The following KCNH7 variants were observed in gnomAD, a reference collection of about 807,000 sequenced individuals.
KCNH7 encodes voltage-gated inwardly rectifying potassium channel KCNH7.
A neutral mutation model predicts 120.8 loss-of-function variants in KCNH7; 49 were observed. That is an observed-to-expected ratio of 0.41 (90% CI 0.32 to 0.51). KCNH7 has a LOEUF of 0.51. KCNH7 is among the 20% of genes least tolerant of loss of function. The pLI is 0.38. For missense variants in KCNH7, 1,097 were observed against 1,446.6 expected, an observed-to-expected ratio of 0.76 and a Z score of 3.92; for synonymous variants, 547 against 516.1, an observed-to-expected ratio of 1.06 and a Z score of -0.81.
chr2:162,425,534 G>A (rs941226942), intron 8 of KCNH7, among the ~76,000 whole-genome samples: 1 of 152,116 alleles, frequency 6.6e-6, no homozygotes, highest in Non-Finnish European at 1.5e-5. Flanking sequence ...GTGATCCAAG[G>A]AGATTCATGT....
At chr2:162,831,972 G>A (rs1463055524) in intron 2 of KCNH7, among the ~76,000 whole-genome samples, 4 of 152,174 alleles carry the variant, frequency 2.6e-5, no homozygotes, top group African/African-American at 9.6e-5. Flanking sequence ...CAAATTGTGG[G>A]GAAGAGCATT....
chr2:162,424,038 G>A (rs1365774940), intron 8 of KCNH7, among the ~76,000 whole-genome samples: 1 of 152,096 alleles, frequency 6.6e-6, no homozygotes, highest in African/African-American at 2.4e-5. Context: ...TTAAATTTGA[G>A]ATTATTTTGA....
chr2:162,376,550 G>A (rs1686195520), intron 14 of KCNH7, among the ~76,000 whole-genome samples: 1 of 151,970 alleles, frequency 6.6e-6, no homozygotes, highest in South Asian at 2.1e-4. Flanking sequence ...TTTCAGTAGA[G>A]ATGGGGGTTC....
chr2:162,411,370 T>C (rs1687388051), intron 9 of KCNH7, among the ~76,000 whole-genome samples: 1 of 152,034 alleles, frequency 6.6e-6, no homozygotes, highest in African/African-American at 2.4e-5. Context: ...GGAAACCAAA[T>C]ACTACATGTT....
intron 2 of KCNH7, among the ~76,000 whole-genome samples, chr2:162,756,628 T>C (rs967154633): frequency 2.4e-4 from 36 of 151,980 alleles, no homozygotes; most frequent in African/African-American, 7.7e-4. Context: ...CCATGCCTGG[T>C]TAATTTTTGT....
chr2:162,584,901 CTT>C (rs5835912), intron 2 of KCNH7, among the ~76,000 whole-genome samples: 60 of 126,432 alleles, frequency 4.7e-4, no homozygotes, highest in African/African-American at 6.7e-4. Flanking sequence ...CAATCCCCAG[CTT>C]TTTTTTTTTT....
intron 2 of KCNH7, among the ~76,000 whole-genome samples, chr2:162,686,661 T>C (rs1685903612): frequency 6.6e-6 from 1 of 152,198 alleles, no homozygotes; most frequent in South Asian, 2.1e-4. Flanking sequence ...TGTGGATCTC[T>C]ACTTGTCTCC....
chr2:162,389,922 GA>G (rs1441189721), intron 12 of KCNH7, among the ~76,000 whole-genome samples: 1 of 151,964 alleles, frequency 6.6e-6, no homozygotes, highest in African/African-American at 2.4e-5. Context: ...AACCAATGAA[GA>G]ATTTTCTCTA....
chr2:162,599,397 G>C (rs1381697617), intron 2 of KCNH7, among the ~76,000 whole-genome samples: 4 of 151,990 alleles, frequency 2.6e-5, no homozygotes, highest in Non-Finnish European at 4.4e-5. Context: ...TAAGTTAACA[G>C]TGTAACCTTT....
At chr2:162,479,891 A>T (rs1689871929) in intron 6 of KCNH7, among the ~76,000 whole-genome samples, 1 of 152,144 alleles carries the variant, frequency 6.6e-6, no homozygotes, top group East Asian at 1.9e-4. Flanking sequence ...TGCAGGCTGA[A>T]CCTCAAAATA....
At position 162,682,908 on chromosome 2, in the gene KCNH7, T is replaced by C. The variant is rs538034642; in HGVS notation, c.308-145828A>G. 2.0e-4 allele frequency among the ~76,000 whole-genome samples: 30 copies of C among 151,976 alleles called. 1 individual carries two copies. In the South Asian group the frequency reaches 5.6e-3, roughly 28 times the overall value. On this transcript the variant is annotated intron_variant, in intron 2 of 15. Coordinates refer to ENST00000332142, the MANE Select transcript of KCNH7 (RefSeq NM_033272.4). ...AGACAATAAATGATTTCTCAATCAA[T>C]ACAACTGAACTCAAGAAAGACTTTT...
At chr2:162,805,687 G>T (rs933445147) in intron 2 of KCNH7, among the ~76,000 whole-genome samples, 2 of 152,066 alleles carry the variant, frequency 1.3e-5, no homozygotes, top group Admixed American at 1.3e-4. Flanking sequence ...ATTCCTCAAA[G>T]ATCTAAAAGT....
intron 2 of KCNH7, among the ~76,000 whole-genome samples, chr2:162,638,643 A>G (rs1684044648): frequency 6.6e-6 from 1 of 152,128 alleles, no homozygotes; most frequent in Admixed American, 6.6e-5. Context: ...TATCAGCAAT[A>G]TGTACTAGAA....
At chr2:162,583,423 A>G (rs1693940542) in intron 2 of KCNH7, among the ~76,000 whole-genome samples, 1 of 152,080 alleles carries the variant, frequency 6.6e-6, no homozygotes, top group Non-Finnish European at 1.5e-5. Context: ...TTATTTTGTC[A>G]ATATAACAAA....
intron 2 of KCNH7, among the ~76,000 whole-genome samples, chr2:162,702,258 A>G (rs950562534): frequency 9.2e-5 from 14 of 152,196 alleles, no homozygotes; most frequent in African/African-American, 2.9e-4. Flanking sequence ...AAATCAGACA[A>G]AGCTAGATCT....
chr2:162,377,073 C>A (rs930807334), intron 14 of KCNH7, among the ~76,000 whole-genome samples: 5 of 152,038 alleles, frequency 3.3e-5, no homozygotes, highest in Non-Finnish European at 4.4e-5. Flanking sequence ...AATGCCGAAG[C>A]TAAACAGGGT....
At chr2:162,507,990 T>C (rs1024895757) in intron 5 of KCNH7, among the ~76,000 whole-genome samples, 3 of 151,648 alleles carry the variant, frequency 2.0e-5, no homozygotes, top group Non-Finnish European at 4.4e-5. Context: ...TATTGTGTTA[T>C]GTTTTCTAGT....
intron 2 of KCNH7, among the ~76,000 whole-genome samples, chr2:162,597,434 G>T (rs1305613264): frequency 2.0e-5 from 3 of 151,992 alleles, no homozygotes; most frequent in African/African-American, 7.2e-5. Flanking sequence ...AAATAAGCCA[G>T]GCAAGAAAGA....
At chr2:162,631,048 T>C (rs1455411610) in intron 2 of KCNH7, among the ~76,000 whole-genome samples, 2 of 152,154 alleles carry the variant, frequency 1.3e-5, no homozygotes, top group Admixed American at 6.5e-5. Context: ...TAGTGTCAAC[T>C]GCAGCTGGAC....
Sources: allele counts gnomAD v4.1 joint callset (sites outside exome capture counted in the v4.1 genomes callset), GRCh38; gene constraint gnomAD v4.1.1; transcripts MANE v1.5; gene names NCBI Gene and HGNC (gene_info 2026-07-23, HGNC 2026-07-21).